The following CLDN16 variants were observed in gnomAD, a reference collection of about 807,000 sequenced individuals.
CLDN16 encodes the protein claudin 16.
Under a neutral mutation model 24.6 loss-of-function variants are expected in CLDN16, and 13 were observed. That is an observed-to-expected ratio of 0.53 (90% CI 0.34 to 0.84). The LOEUF is 0.84. Ranked by LOEUF, CLDN16 falls within the 40% of genes least tolerant of loss-of-function variation. The probability of loss-of-function intolerance (pLI) is 0.01; values close to 1 mark genes in which losing one functional copy is unlikely to be tolerated. For synonymous variants in CLDN16, 116 were observed against 106.7 expected, an observed-to-expected ratio of 1.09 and a Z score of -0.54; for missense variants, 298 against 292.7, an observed-to-expected ratio of 1.02 and a Z score of -0.13.
the CLDN16 span, among the ~76,000 whole-genome samples, chr3:190,299,356 T>C: frequency 6.6e-5 from 10 of 152,286 alleles, no homozygotes; most frequent in East Asian, 5.8e-4. Flanking sequence ...GTTTATTATA[T>C]ACTATGTGGT....
intron 1 of CLDN16, among the ~76,000 whole-genome samples, chr3:190,327,810 G>C (rs890611141): frequency 6.6e-6 from 1 of 152,168 alleles, no homozygotes; most frequent in East Asian, 1.9e-4. Flanking sequence ...GGTAACTAAC[G>C]GAATTAGTGA....
chr3:190,339,912 G>T (rs1023719526), intron 1 of CLDN16, among the ~76,000 whole-genome samples: 9 of 152,102 alleles, frequency 5.9e-5, no homozygotes, highest in Admixed American at 5.2e-4. Flanking sequence ...ACAAAAGTCA[G>T]CAGTTAAATA....
At chr3:190,385,090 T>C (rs1170533066), upstream of CLDN16, among the ~76,000 whole-genome samples, 1 of 152,124 alleles carries the variant, frequency 6.6e-6, no homozygotes, top group Non-Finnish European at 1.5e-5. Context: ...GATGAGTTCT[T>C]CCAACCGTTT....
rs1189974096 is a variant in CLDN16 at position 190,333,559 on chromosome 3, TATCTATCTATCTATCTATCTATCA to T, written n.121+10902_121+10925del. 4.3e-4 allele frequency among the ~76,000 whole-genome samples: 57 copies of T among 132,636 alleles called. 1 individual carries two copies. Among genetic ancestry groups the T allele is most frequent in the South Asian group, 2.6e-3 (11 of 4,230 alleles). 87.0% of individuals were successfully genotyped at this position (132,636 alleles called of 152,430 possible). Reference sequence around the variant, plus strand: ...CTATCTATCTATCTATCTATCTATCTATCTATCTATCTATCTATCTATCAATCATCTTTCTATAAATCTACTGAT... The same window carrying T: ...CTATCTATCTATCTATCTATCTATCTATCATCTTTCTATAAATCTACTGAT... On this transcript the variant is annotated intron_variant and non_coding_transcript_variant, in intron 1 of 4. Transcript: ENST00000468220.
At chr3:190,348,476 G>T (rs527380869) in intron 1 of CLDN16, among the ~76,000 whole-genome samples, 1 of 152,064 alleles carries the variant, frequency 6.6e-6, no homozygotes, top group Non-Finnish European at 1.5e-5. Flanking sequence ...AGACTGTGCA[G>T]AGTGAAGGAA....
At chr3:190,319,470 C>T (rs1000800997), upstream of CLDN16, among the ~76,000 whole-genome samples, 1 of 152,192 alleles carries the variant, frequency 6.6e-6, no homozygotes, top group Non-Finnish European at 1.5e-5. Flanking sequence ...TGCTCTATCT[C>T]ATTTTGTATT....
At chr3:190,397,567 CAT>C (rs1718853109) in intron 1 of CLDN16, among the ~76,000 whole-genome samples, 1 of 152,152 alleles carries the variant, frequency 6.6e-6, no homozygotes, top group African/African-American at 2.4e-5. Context: ...GATGATAAAT[CAT>C]ACCAGAGAGC....
At chr3:190,376,521 C>A (rs1347685550) in intron 3 of CLDN16, among the ~76,000 whole-genome samples, 1 of 151,764 alleles carries the variant, frequency 6.6e-6, no homozygotes, top group Non-Finnish European at 1.5e-5. Flanking sequence ...TAGGAATATA[C>A]AGCAAGGAGA....
upstream of CLDN16, among the ~76,000 whole-genome samples, chr3:190,320,843 C>T (rs955214818): frequency 6.6e-6 from 1 of 152,072 alleles, no homozygotes; most frequent in Non-Finnish European, 1.5e-5. Context: ...ATAACAGACA[C>T]ATGATATAAG....
the CLDN16 span, among the ~76,000 whole-genome samples, chr3:190,314,427 C>T: frequency 6.6e-6 from 1 of 152,222 alleles, no homozygotes; most frequent in Non-Finnish European, 1.5e-5. Context: ...TAGAGTCTTG[C>T]TCTGTTGCCC....
chr3:190,324,408 G>A (rs554371548), intron 1 of CLDN16, among the ~76,000 whole-genome samples: 4 of 152,252 alleles, frequency 2.6e-5, no homozygotes, highest in Non-Finnish European at 4.4e-5. Context: ...GCTTGAACCC[G>A]GGAGGCGGAG....
chr3:190,383,206 G>T (rs545444407), upstream of CLDN16, among the ~76,000 whole-genome samples: 1 of 152,106 alleles, frequency 6.6e-6, no homozygotes, highest in Non-Finnish European at 1.5e-5. Flanking sequence ...CCCAAGAAAG[G>T]AGTTAGAGTT....
At chr3:190,364,362 T>C (rs567151829) in intron 1 of CLDN16, among the ~76,000 whole-genome samples, 1 of 151,936 alleles carries the variant, frequency 6.6e-6, no homozygotes, top group East Asian at 1.9e-4. Flanking sequence ...CCATCCTGGA[T>C]GTACCTCTTC....
chr3:190,335,376 A>T (rs956588184), intron 1 of CLDN16, among the ~76,000 whole-genome samples: 1 of 151,964 alleles, frequency 6.6e-6, no homozygotes, highest in Admixed American at 6.5e-5. Context: ...TCACATCTTC[A>T]TCTAGCTTCT....
intron 2 of CLDN16, 28 bp downstream of exon 2, chr3:190,402,467 G>C (rs999764081): frequency 6.5e-7 from 1 of 1,531,990 alleles, no homozygotes. Flanking sequence ...CTCACTGCTT[G>C]CCAGGAAGGG....
chr3:190,379,977 C>CTATCTATT (rs1311829132), intron 3 of CLDN16, among the ~76,000 whole-genome samples: 124 of 150,690 alleles, frequency 8.2e-4, no homozygotes, highest in South Asian at 3.0e-3. Flanking sequence ...TCAACTCTGT[C>CTATCTATT]TATCTATCTA....
the CLDN16 span, chr3:190,312,822 C>A: frequency 6.3e-7 from 1 of 1,598,764 alleles, no homozygotes; most frequent in Admixed American, 1.7e-5. Flanking sequence ...GATTTCAAAT[C>A]ATACCAGGAA....
chr3:190,308,360 A>C, the CLDN16 span: 1 of 1,613,938 alleles, frequency 6.2e-7, no homozygotes, highest in Non-Finnish European at 8.5e-7. Context: ...CGGGGACAGG[A>C]ACAGCAAAGT....
At chr3:190,366,407 G>A (rs762008522) in intron 1 of CLDN16, among the ~76,000 whole-genome samples, 4 of 151,842 alleles carry the variant, frequency 2.6e-5, no homozygotes, top group Non-Finnish European at 5.9e-5. Context: ...CAGCTGGTTA[G>A]TAGGTGATCT....
Sources: gnomAD v4.1 joint callset for allele counts (sites outside exome capture counted in the v4.1 genomes callset) on GRCh38, gnomAD v4.1.1 for gene constraint, MANE v1.5 for transcripts, NCBI Gene and HGNC (gene_info 2026-07-23, HGNC 2026-07-21) for gene names.